NCR1: variants seen among roughly 807,000 people sequenced by gnomAD.
NCR1 encodes natural cytotoxicity triggering receptor 1.
Under a neutral mutation model 32.5 loss-of-function variants are expected in NCR1, and 30 were observed. The observed-to-expected ratio is 0.92, with a 90% confidence interval of 0.69 to 1.25. The LOEUF is 1.25. Ranked by LOEUF, NCR1 falls within the 50% of genes most tolerant of loss-of-function variation. NCR1 has a pLI of 0.00. For missense variants in NCR1, 369 were observed against 380.7 expected, an observed-to-expected ratio of 0.97 and a Z score of 0.26; for synonymous variants, 169 against 143.4, an observed-to-expected ratio of 1.18 and a Z score of -1.28.
the NCR1 span, chr19:54,930,744 A>G: frequency 8.4e-6 from 10 of 1,194,258 alleles, no homozygotes; most frequent in South Asian, 1.1e-4. Context: ...CCAACACTAT[A>G]TACCTTCCAC....
rs1241177713 is a variant in NCR1 at position 54,908,631 on chromosome 19, C to T, written c.356-614C>T. ...GGGCGGGGGCTGCCCCCCAACCTCCCGGACGGGGCGGCTGGCCGGGGCTTT... is the reference window on the plus strand; with the variant it reads ...GGGCGGGGGCTGCCCCCCAACCTCCTGGACGGGGCGGCTGGCCGGGGCTTT... On this transcript the variant is annotated intron_variant, in intron 3 of 6. Coordinates refer to ENST00000291890, the MANE Select transcript of NCR1 (RefSeq NM_004829.7). Among the ~76,000 whole-genome samples, 5 of 148,526 alleles carry T rather than the reference C, an allele frequency of 3.4e-5. No individual in the cohort carries two copies. The South Asian group carries it at 6.4e-4, about 19-fold the overall frequency.
downstream of NCR1, among the ~76,000 whole-genome samples, chr19:54,917,837 A>G (rs2068165601): frequency 6.6e-6 from 1 of 152,228 alleles, no homozygotes; most frequent in African/African-American, 2.4e-5. Flanking sequence ...ACACTGGCTC[A>G]TGCAGAAAGC....
upstream of NCR1, chr19:54,906,131 C>T (rs2067592934): frequency 2.5e-6 from 4 of 1,612,392 alleles, no homozygotes; most frequent in South Asian, 4.4e-5. Flanking sequence ...TATCTATCTC[C>T]CTGGCCCGCC....
chr19:54,903,451 T>TACATGTATGTATAC (rs2067359563), upstream of NCR1, among the ~76,000 whole-genome samples: 1 of 106,792 alleles, frequency 9.4e-6, no homozygotes, highest in African/African-American at 3.5e-5. Context: ...TGTATGTATA[T>TACATGTATGTATAC]ACATATATGT....
the NCR1 span, among the ~76,000 whole-genome samples, chr19:54,922,898 A>G: frequency 2.0e-5 from 3 of 151,658 alleles, no homozygotes; most frequent in African/African-American, 7.3e-5. Context: ...AGACACACAC[A>G]CAGAAACAGA....
At chr19:54,932,052 C>T in the NCR1 span, among the ~76,000 whole-genome samples, 2 of 152,118 alleles carry the variant, frequency 1.3e-5, no homozygotes, top group Non-Finnish European at 2.9e-5. Context: ...CTGACACATT[C>T]TACATATATA....
the NCR1 span, among the ~76,000 whole-genome samples, chr19:54,924,371 C>T: frequency 6.6e-6 from 1 of 152,198 alleles, no homozygotes; most frequent in Non-Finnish European, 1.5e-5. Context: ...ACCTGTAGTC[C>T]CAGCACTTTG....
downstream of NCR1, among the ~76,000 whole-genome samples, chr19:54,918,549 C>T (rs2068179890): frequency 6.6e-6 from 1 of 151,964 alleles, no homozygotes; most frequent in Admixed American, 6.6e-5. Flanking sequence ...GATGAGATTA[C>T]AGGCGTGAGC....
the NCR1 span, chr19:54,933,865 T>C: frequency 6.5e-3 from 5,370 of 828,930 alleles, 172 homozygotes; most frequent in African/African-American, 0.07. Context: ...CCCTCTGTCC[T>C]GTGGGAGTCA....
At chr19:54,927,666 T>G in the NCR1 span, 1 of 1,614,200 alleles carries the variant, frequency 6.2e-7, no homozygotes, top group Non-Finnish European at 8.5e-7. Context: ...ATTATGCCAC[T>G]CTTCCACAAA....
chr19:54,934,523 T>C, the NCR1 span: 7 of 1,614,160 alleles, frequency 4.3e-6, no homozygotes, highest in Non-Finnish European at 5.1e-6. This position sits in a 1 kb window ranked among gnomAD's most constrained non-coding sequence, Gnocchi z 6.7. Context: ...GGGCGTGTCA[T>C]GGTCTTGTAC....
At chr19:54,932,522 A>T in the NCR1 span, among the ~76,000 whole-genome samples, 1 of 152,208 alleles carries the variant, frequency 6.6e-6, no homozygotes. Flanking sequence ...ATATTTTTCT[A>T]ACCATAATTT....
At position 54,912,231 on chromosome 19, in the gene NCR1, C is replaced by T. The variant is rs372639621; in HGVS notation, c.733+13C>T. The T allele has an allele frequency of 3.7e-6, 6 of 1,612,866 alleles. No homozygotes were observed. In the African/African-American group the frequency reaches 8.0e-5, roughly 22 times the overall value. ...GGACTCCAGAAAGGTAAGTAGACAG[C>T]TGGGGCCATAGGCTCTGAAGGAAGG... On this transcript the variant is annotated intron_variant, in intron 6 of 6. Transcript: ENST00000291890.
At chr19:54,911,989 G>A (rs764838273) in intron 5 of NCR1, among the ~76,000 whole-genome samples, 179 bp from the exon 6 acceptor site, 13 of 151,970 alleles carry the variant, frequency 8.6e-5, no homozygotes, top group Non-Finnish European at 1.9e-4. Flanking sequence ...GGAATTCCTC[G>A]TCAGGTTCGT....
the NCR1 span, among the ~76,000 whole-genome samples, chr19:54,936,972 G>GGAGGCC: frequency 9.9e-5 from 15 of 151,888 alleles, no homozygotes; most frequent in South Asian, 2.5e-3. Flanking sequence ...CAGCACTTTG[G>GGAGGCC]GAGGCCGAGG....
At chr19:54,934,726 T>C in the NCR1 span, 7 of 1,349,344 alleles carry the variant, frequency 5.2e-6, no homozygotes, top group Admixed American at 4.8e-5. The surrounding 1 kb of genome is among the most constrained non-coding windows in gnomAD (Gnocchi z 6.7). Flanking sequence ...CTTTTTTTTT[T>C]TGAGACAGAG....
chr19:54,901,140 A>T, the NCR1 span, among the ~76,000 whole-genome samples: 1 of 150,110 alleles, frequency 6.7e-6, no homozygotes, highest in Non-Finnish European at 1.5e-5. Context: ...AAAAAAAAAG[A>T]TTACCCGGAC....
the NCR1 span, chr19:54,936,517 T>A: frequency 8.3e-7 from 1 of 1,208,994 alleles, no homozygotes; most frequent in Non-Finnish European, 1.2e-6. Context: ...CTGTTTCACA[T>A]TTAGAAATTA....
At chr19:54,898,898 G>A in the NCR1 span, among the ~76,000 whole-genome samples, 5 of 152,156 alleles carry the variant, frequency 3.3e-5, no homozygotes, top group African/African-American at 1.2e-4. Context: ...CGGGTGTGAG[G>A]AGGGGAGGTG....
Sources: allele counts gnomAD v4.1 joint callset (sites outside exome capture counted in the v4.1 genomes callset), GRCh38; gene constraint gnomAD v4.1.1; non-coding constraint Gnocchi (gnomAD v3.1); transcripts MANE v1.5; gene names NCBI Gene and HGNC (gene_info 2026-07-23, HGNC 2026-07-21).